Variants in BPTF observed in about 807,000 individuals in gnomAD.
BPTF encodes the protein nucleosome-remodeling factor subunit BPTF.
A neutral mutation model predicts 292.5 loss-of-function variants in BPTF; 18 were observed. The ratio of observed to expected loss-of-function variants is 0.06; its 90% confidence interval spans 0.04 to 0.09. BPTF has a LOEUF of 0.09. BPTF is among the 10% of genes least tolerant of loss of function. The pLI is 1.00. For synonymous variants in BPTF, 1,225 were observed against 1,251.9 expected, an observed-to-expected ratio of 0.98 and a Z score of 0.45; for missense variants, 2,726 against 3,498.7, an observed-to-expected ratio of 0.78 and a Z score of 5.57.
chr17:67,842,000 A>G (rs543308176), intron 1 of BPTF, among the ~76,000 whole-genome samples: 5 of 150,644 alleles, frequency 3.3e-5, no homozygotes, highest in South Asian at 2.1e-4. Context: ...TACCTAAACT[A>G]TCTACTTAGA....
intron 1 of BPTF, among the ~76,000 whole-genome samples, chr17:67,827,382 C>T (rs1351438095): frequency 6.6e-6 from 1 of 152,190 alleles, no homozygotes; most frequent in African/African-American, 2.4e-5. Flanking sequence ...TTTCTCTAGG[C>T]TGGTGCCGAG....
chr17:67,905,157 C>T (rs1430973880), intron 9 of BPTF, among the ~76,000 whole-genome samples: 1 of 152,134 alleles, frequency 6.6e-6, no homozygotes, highest in African/African-American at 2.4e-5. Context: ...CGCCTGTAAT[C>T]CCAGCACTGT....
intron 4 of BPTF, among the ~76,000 whole-genome samples, chr17:67,881,858 G>T (rs112885816): frequency 0.22 from 6,598 of 29,648 alleles, 519 homozygotes; most frequent in East Asian, 0.5. Flanking sequence ...TTGGGTTTTT[G>T]TTTTTTTTTT....
intron 3 of BPTF, among the ~76,000 whole-genome samples, chr17:67,874,023 G>GATGT (rs1037003693): frequency 3.9e-5 from 6 of 152,244 alleles, no homozygotes; most frequent in South Asian, 2.1e-4. Flanking sequence ...TGGATGGATG[G>GATGT]ATGGATATGT....
intron 3 of BPTF, among the ~76,000 whole-genome samples, chr17:67,873,857 T>G (rs913779635): frequency 6.6e-6 from 1 of 152,206 alleles, no homozygotes; most frequent in African/African-American, 2.4e-5. Context: ...AGATTGTGAC[T>G]TCTAACATCA....
intron 18 of BPTF, among the ~76,000 whole-genome samples, chr17:67,939,218 G>A (rs1021529379): frequency 2.0e-5 from 3 of 152,184 alleles, no homozygotes; most frequent in Non-Finnish European, 2.9e-5. Context: ...CAACAAAAAG[G>A]TGTGGGGGAA....
chr17:67,893,491 A>G lies in BPTF; in HGVS notation c.2177A>G (p.His726Arg). Residue 726 changes from histidine to arginine, a missense_variant, in exon 6 of 28, where the codon CAC becomes CGC. Around this residue, in one of 22 missense-constraint regions of BPTF, gnomAD observed 63 missense variants for 84.1 expected, o/e 0.75. Coordinates refer to ENST00000306378, the MANE Select transcript of BPTF (RefSeq NM_182641.4). ...LGQEGKYRVY[H>R]NQYSTNSFAL... ...CAAGAAGGGAAGTATCGCGTCTACC[A>G]CAATCAATACTCCACCAATTCATTT... 6.2e-7 allele frequency: 1 copy of G among 1,614,156 alleles called. No homozygotes were observed. The highest frequency in any genetic ancestry group is 8.5e-7 in the Non-Finnish European group (1 of 1,179,990).
At chr17:67,933,425 C>G (rs2064596752) in intron 18 of BPTF, among the ~76,000 whole-genome samples, 1 of 151,618 alleles carries the variant, frequency 6.6e-6, no homozygotes, top group Admixed American at 6.6e-5. Context: ...AAAATTTAGC[C>G]AGGCATCCTG....
At position 67,982,951 on chromosome 17, in the gene BPTF, G is replaced by A. The variant is rs1422725148; in HGVS notation, c.*663G>A. On this transcript the variant is annotated 3_prime_UTR_variant, in exon 28 of 28. Transcript: ENST00000306378. ...TAAGCTTGCATAAAGGTTGGGCTAA[G>A]TGGTCCTGGACTACAGACTCTGTTG... 3 of 152,300 alleles carry A rather than the reference G, an allele frequency of 2.0e-5. No individual in the cohort carries two copies. The highest frequency in any genetic ancestry group is 4.4e-5 in the Non-Finnish European group (3 of 68,074). 9.4% of individuals were successfully genotyped at this position (152,300 alleles called of 1,614,324 possible).
chr17:67,923,723 A>G (rs999138993), intron 14 of BPTF, among the ~76,000 whole-genome samples: 1 of 151,334 alleles, frequency 6.6e-6, no homozygotes, highest in Non-Finnish European at 1.5e-5. Flanking sequence ...TGGGTAATCC[A>G]CCTGCCTCAG....
At chr17:67,865,960 A>G (rs916419956) in intron 2 of BPTF, among the ~76,000 whole-genome samples, 8 of 151,546 alleles carry the variant, frequency 5.3e-5, no homozygotes, top group South Asian at 2.1e-4. Context: ...TTTCTAAACT[A>G]TATTATAAAG....
intron 1 of BPTF, among the ~76,000 whole-genome samples, chr17:67,838,818 A>G (rs6504541): frequency 0.026 from 3,893 of 152,328 alleles, 191 homozygotes; most frequent in African/African-American, 0.088. Context: ...AAGAAGTATA[A>G]TTCATTTGCT....
intron 1 of BPTF, among the ~76,000 whole-genome samples, chr17:67,851,453 C>T (rs921626281): frequency 1.3e-5 from 2 of 152,080 alleles, no homozygotes; most frequent in African/African-American, 4.8e-5. Context: ...CCTCCACATG[C>T]GTATGCATAA....
intron 1 of BPTF, among the ~76,000 whole-genome samples, chr17:67,830,042 C>A (rs117295490): frequency 0.024 from 3,583 of 152,238 alleles, 65 homozygotes; most frequent in Non-Finnish European, 0.031. Flanking sequence ...CTGAATAATG[C>A]TTTAATTCAT....
chr17:67,833,753 G>C (rs2056913756), intron 1 of BPTF, among the ~76,000 whole-genome samples: 1 of 151,900 alleles, frequency 6.6e-6, no homozygotes, highest in Non-Finnish European at 1.5e-5. Context: ...ATTTTTACTA[G>C]AAGAGGGTTT....
chr17:67,854,170 C>A lies in BPTF; in HGVS notation c.844C>A (p.Leu282Ile), dbSNP rs1184504653. 6.2e-7 allele frequency: 1 copy of A among 1,614,132 alleles called. No individual in the cohort carries two copies. ...AALVSQEQCT[L>I]MAEMHVVLLK... ...TCTGGTGAGCCAAGAGCAGTGCACA[C>A]TCATGGCAGAGATGCATGTTGTGCT... is the stretch of plus-strand genomic sequence containing the variant. Residue 282 changes from leucine to isoleucine, a missense_variant, in exon 2 of 28, where the codon CTC becomes ATC. This residue lies in a region of BPTF where 102 missense variants were observed against 212.6 expected (regional missense o/e 0.48). Coordinates refer to ENST00000306378, the MANE Select transcript of BPTF (RefSeq NM_182641.4). This position sits in a 1 kb window ranked among gnomAD's most constrained non-coding sequence, Gnocchi z 5.6.
chr17:67,919,173 A>AAATAATAAT (rs141658141), intron 12 of BPTF, among the ~76,000 whole-genome samples: 49 of 135,540 alleles, frequency 3.6e-4, no homozygotes, highest in East Asian at 8.5e-4. Flanking sequence ...CTCTGTCTCA[A>AAATAATAAT]AATAATAATA....
At chr17:67,898,373 G>A (rs890601416) in intron 7 of BPTF, among the ~76,000 whole-genome samples, 3 of 152,174 alleles carry the variant, frequency 2.0e-5, no homozygotes, top group Non-Finnish European at 4.4e-5. Flanking sequence ...AAAGAAAAAA[G>A]TTGAAGAAAG....
intron 1 of BPTF, among the ~76,000 whole-genome samples, chr17:67,844,736 T>C (rs1485202701): frequency 6.6e-6 from 1 of 151,824 alleles, no homozygotes; most frequent in African/African-American, 2.4e-5. Flanking sequence ...TTTGGATTTA[T>C]CTGATTTTTT....
Sources: gnomAD v4.1 joint callset for allele counts (sites outside exome capture counted in the v4.1 genomes callset) on GRCh38, gnomAD v4.1.1 for gene constraint, gnomAD v4.1.1 regional missense constraint, Gnocchi (gnomAD v3.1) non-coding constraint, MANE v1.5 for transcripts, NCBI Gene and HGNC (gene_info 2026-07-23, HGNC 2026-07-21) for gene names.